The following SPATA31A6 variants were observed in gnomAD, a reference collection of about 807,000 sequenced individuals.
SPATA31A6 encodes the protein spermatogenesis-associated protein 31A6.
A neutral mutation model predicts 11.9 loss-of-function variants in SPATA31A6; 9 were observed. That is an observed-to-expected ratio of 0.76 (90% CI 0.46 to 1.32). The LOEUF is 1.32. Among genes scored for constraint, SPATA31A6 ranks in the 40% most tolerant of loss-of-function variants. The pLI is 0.00. For missense variants in SPATA31A6, 855 were observed against 1,467.3 expected (o/e 0.58, Z 6.82); for synonymous variants, 314 against 572.1 (o/e 0.55, Z 6.44).
In SPATA31A6 at chr9:42,189,367, C is replaced by G; in HGVS notation, c.3665C>G (p.Ala1222Gly). 5 of 1,540,264 alleles carry G rather than the reference C, an allele frequency of 3.2e-6. No individual in the cohort carries two copies. The highest frequency in any genetic ancestry group is 4.4e-6 in the Non-Finnish European group (5 of 1,137,018). ...GACAAGAAAATGTCACTTTGCCATG[C>G]GCACCATGCCTCGAAGGTAAATCAG... The part of the protein sequence containing the change: ...MLDKKMSLCH[A>G]HHASKVNQHK... The change falls in exon 4 of 4, where the codon GCG becomes GGG. Residue 1222 changes from alanine (A) to glycine (G), a missense_variant. By Grantham distance (60) the Ala-to-Gly change is moderately conservative (BLOSUM62 0). Transcript: ENST00000332857.
At position 42,189,138 on chromosome 9, in the gene SPATA31A6, C is replaced by A. The variant is rs1243544987; in HGVS notation, c.3436C>A (p.Leu1146Ile). ...CACCCATCAGGATGAAGGCGTCCAG[C>A]TACTGCCATCAAAGAAACAGCCTCC... ...EDTHQDEGVQ[L>I]LPSKKQPPSV... The change falls in exon 4 of 4, where the codon CTA becomes ATA. Residue 1146 changes from leucine to isoleucine, a missense_variant. Leu to Ile is a conservative substitution (Grantham distance 5). Transcript: ENST00000332857. 2 of 1,545,532 alleles carry A rather than the reference C, an allele frequency of 1.3e-6. No individual in the cohort carries two copies. Among genetic ancestry groups the A allele is most frequent in the Admixed American group, 1.8e-5 (1 of 57,018 alleles).
rs577017144 is a variant in SPATA31A6 at position 42,184,753 on chromosome 9, C to G, written c.190-316C>G. On this transcript the variant is annotated intron_variant, in intron 1 of 3. Coordinates refer to ENST00000332857, the MANE Select transcript of SPATA31A6 (RefSeq NM_001145196.1). Reference sequence around the variant, plus strand: ...ACCATGGCCAGGCTGGTCTCAAACTCCTGACCTCAGGTGATCAACCCACCT... The same window carrying G: ...ACCATGGCCAGGCTGGTCTCAAACTGCTGACCTCAGGTGATCAACCCACCT... Among the ~76,000 whole-genome samples the G allele has an allele frequency of 2.9e-5, 4 of 136,460 alleles. 1 individual carries two copies. The highest frequency in any genetic ancestry group is 1.2e-4 in the African/African-American group (4 of 33,550). 89.5% of individuals were successfully genotyped at this position (136,460 alleles called of 152,430 possible). A position where few individuals can be genotyped will look rare whatever the true frequency, so the allele number is the denominator to read the frequency against.
Position 42,187,165 on chromosome 9 carries a change from C to T in SPATA31A6, c.1463C>T (p.Thr488Ile), listed in dbSNP as rs757876326. 43 of 1,543,128 alleles carry T rather than the reference C, an allele frequency of 2.8e-5. 7 individuals carry two copies. Among genetic ancestry groups the T allele is most frequent in the Admixed American group, 3.5e-5 (2 of 57,244 alleles). The change falls in exon 4 of 4, where the codon ACA becomes ATA. Residue 488 changes from threonine to isoleucine, a missense_variant. Transcript: ENST00000332857. ...FISSTPQFLP[T>I]PMAQAEAQAH... ...TCATCCACACCCCAATTCCTGCCCA[C>T]ACCTATGGCTCAGGCCGAGGCTCAG...
chr9:42,189,277 G>A lies in SPATA31A6; in HGVS notation c.3575G>A (p.Arg1192Lys), dbSNP rs1433174943. 6.4e-7 allele frequency: 1 copy of A among 1,561,640 alleles called. No individual in the cohort carries two copies. Among genetic ancestry groups the A allele is most frequent in the Non-Finnish European group, 8.7e-7 (1 of 1,151,792 alleles). ...GAGAGCCAAAAAACAGTAAAAAACAGATCATGTGTGTACAGCAGCAGTGCT... is the reference window on the plus strand; with the variant it reads ...GAGAGCCAAAAAACAGTAAAAAACAAATCATGTGTGTACAGCAGCAGTGCT... ...TAESQKTVKNRSCVYSSSAEA... is the reference protein window; with the variant it reads ...TAESQKTVKNKSCVYSSSAEA... Residue 1192 changes from arginine to lysine, a missense_variant, in exon 4 of 4, where the codon AGA becomes AAA. Physicochemically the swap from Arg to Lys is conservative, Grantham distance 26. Transcript: ENST00000332857.
In SPATA31A6 at chr9:42,184,068, T is replaced by G. The variant is rs1403012511; in HGVS notation, c.189+192T>G. Among the ~76,000 whole-genome samples, 7 of 137,108 alleles carry G rather than the reference T, an allele frequency of 5.1e-5. 2 individuals are homozygous for G. Among genetic ancestry groups the G allele is most frequent in the African/African-American group, 2.1e-4 (7 of 34,122 alleles). The allele number at this position is 137,108 out of a possible 152,430, so 89.9% of individuals were successfully genotyped here. A position where few individuals can be genotyped will look rare whatever the true frequency, so the allele number is the denominator to read the frequency against. The stretch of plus-strand genomic sequence containing the variant: ...GGTAGATAGTGTACTGGGATTTCCA[T>G]CCCAAGATCTCAGTCCATCTGTGGG... On this transcript the variant is annotated intron_variant, in intron 1 of 3. Coordinates refer to ENST00000332857, the MANE Select transcript of SPATA31A6 (RefSeq NM_001145196.1).
In SPATA31A6 at chr9:42,187,190, G is replaced by C. The variant is rs557142293; in HGVS notation, c.1488G>C (p.Gln496His). The C allele has an allele frequency of 7.1e-6, 11 of 1,543,152 alleles. No homozygotes were observed. In the South Asian group the frequency reaches 1.3e-4, roughly 18 times the overall value. Reference sequence around the variant, plus strand: ...CACCTATGGCTCAGGCCGAGGCTCAGGCCCATCTTCAGTCTTCTTTCCCAG... The same window carrying C: ...CACCTATGGCTCAGGCCGAGGCTCACGCCCATCTTCAGTCTTCTTTCCCAG... ...LPTPMAQAEA[Q>H]AHLQSSFPVL... Residue 496 changes from glutamine to histidine, a missense_variant, in exon 4 of 4, where the codon CAG becomes CAC. Gln to His is a conservative substitution (Grantham distance 24, BLOSUM62 0). Coordinates refer to ENST00000332857, the MANE Select transcript of SPATA31A6 (RefSeq NM_001145196.1).
Position 42,187,095 on chromosome 9 carries a change from C to A in SPATA31A6, c.1393C>A (p.Leu465Met), listed in dbSNP as rs1185293318. The change falls in exon 4 of 4, where the codon CTG (leucine) becomes ATG (methionine). Residue 465 changes from leucine to methionine, a missense_variant. Physicochemically the swap from Leu to Met is conservative, Grantham distance 15 (BLOSUM62 2). Transcript: ENST00000332857. ...TCAAAGGGAGACTACAATGTCCCCA[C>A]TGCTTTTCCAGGCCCAGCCCCTGTC... ...PIQRETTMSP[L>M]LFQAQPLSHR... is the part of the protein sequence containing the mutation. 1.3e-6 allele frequency: 2 copies of A among 1,542,922 alleles called. No homozygotes were observed. The highest frequency in any genetic ancestry group is 3.1e-5 in the African/African-American group (2 of 65,276).
Position 42,188,894 on chromosome 9 carries a change from T to C in SPATA31A6, c.3192T>C (p.Ala1064=). Reference sequence around the variant, plus strand: ...GCATGCCTACTGGGAACATGCGGGCTTCCCAGGAGCTACATGACCTCATGG... The same window carrying C: ...GCATGCCTACTGGGAACATGCGGGCCTCCCAGGAGCTACATGACCTCATGG... The part of the protein sequence containing the change: ...LQSMPTGNMR[A]SQELHDLMAA... The change falls in exon 4 of 4, where the codon GCT becomes GCC. Residue 1064 remains alanine (A), a synonymous_variant. Transcript: ENST00000332857. 4 of 1,547,664 alleles carry C rather than the reference T, an allele frequency of 2.6e-6. 1 individual carries two copies. The highest frequency in any genetic ancestry group is 2.6e-6 in the Non-Finnish European group (3 of 1,142,290).
At position 42,184,325 on chromosome 9, in the gene SPATA31A6, A is replaced by G. The variant is rs1267510149; in HGVS notation, c.189+449A>G. Among the ~76,000 whole-genome samples the G allele has an allele frequency of 3.1e-5, 4 of 129,156 alleles. No individual in the cohort carries two copies. The East Asian group carries it at 7.5e-4, about 24-fold the overall frequency. The allele number at this position is 129,156 out of a possible 152,430, so 84.7% of individuals were successfully genotyped here. A position where few individuals can be genotyped will look rare whatever the true frequency, so the allele number is the denominator to read the frequency against. On this transcript the variant is annotated intron_variant, in intron 1 of 3. Coordinates refer to ENST00000332857, the MANE Select transcript of SPATA31A6 (RefSeq NM_001145196.1). ...TGGTGTCTCCTCTGGTCTTCTGGGAAGCAGAATCCTACCTGATAGCTCAGC... is the reference window on the plus strand; with the variant it reads ...TGGTGTCTCCTCTGGTCTTCTGGGAGGCAGAATCCTACCTGATAGCTCAGC...
In SPATA31A6 at chr9:42,185,539, C is replaced by A. The variant is rs537999717; in HGVS notation, c.248-156C>A. On this transcript the variant is annotated intron_variant, in intron 2 of 3. Transcript: ENST00000332857. Reference sequence around the variant, plus strand: ...AATGAAAAAGCCCTGTCCTCCATGCCTTGCTATTAACGTCGGGGTCATGTG... The same window carrying A: ...AATGAAAAAGCCCTGTCCTCCATGCATTGCTATTAACGTCGGGGTCATGTG... 3.6e-4 allele frequency among the ~76,000 whole-genome samples: 50 copies of A among 137,230 alleles called. 7 individuals carry two copies. The East Asian group carries it at 7.5e-3, about 20-fold the overall frequency. 90.0% of individuals were successfully genotyped at this position (137,230 alleles called of 152,430 possible). A position where few individuals can be genotyped will look rare whatever the true frequency, so the allele number is the denominator to read the frequency against.
In SPATA31A6 at chr9:42,184,412, G is replaced by A. The variant is rs1829403219; in HGVS notation, c.189+536G>A. On this transcript the variant is annotated intron_variant, in intron 1 of 3. Coordinates refer to ENST00000332857, the MANE Select transcript of SPATA31A6 (RefSeq NM_001145196.1). ...AGAGGAACAGGGACTGAAGGTGTCCGTGGTGGACCTCATATTGAAAATCCC... is the reference window on the plus strand; with the variant it reads ...AGAGGAACAGGGACTGAAGGTGTCCATGGTGGACCTCATATTGAAAATCCC... Among the ~76,000 whole-genome samples, 3 of 133,410 alleles carry A rather than the reference G, an allele frequency of 2.2e-5. 1 individual carries two copies. Among genetic ancestry groups the A allele is most frequent in the East Asian group, 2.3e-4 (1 of 4,394 alleles). The allele number at this position is 133,410 out of a possible 152,430, so 87.5% of individuals were successfully genotyped here.
rs770082600 is a variant in SPATA31A6, at chr9:42,187,191, G to T, written c.1489G>T (p.Ala497Ser). The T allele has an allele frequency of 1.5e-5, 23 of 1,543,108 alleles. 2 individuals are homozygous for T. Among genetic ancestry groups the T allele is most frequent in the Non-Finnish European group, 2.0e-5 (23 of 1,138,080 alleles). Reference protein sequence around the residue: ...PTPMAQAEAQAHLQSSFPVLS... With the variant: ...PTPMAQAEAQSHLQSSFPVLS... ...ACCTATGGCTCAGGCCGAGGCTCAG[G>T]CCCATCTTCAGTCTTCTTTCCCAGT... The change falls in exon 4 of 4, where the codon GCC becomes TCC. Residue 497 changes from alanine to serine, a missense_variant. Physicochemically the swap from Ala to Ser is moderately conservative, Grantham distance 99. Transcript: ENST00000332857.
In SPATA31A6 at chr9:42,185,588, T is replaced by C. The variant is rs191509123; in HGVS notation, c.248-107T>C. 3.5e-4 allele frequency: 423 copies of C among 1,200,168 alleles called. 59 individuals carry two copies. Among genetic ancestry groups the C allele is most frequent in the East Asian group, 6.6e-4 (24 of 36,216 alleles). 74.3% of individuals were successfully genotyped at this position (1,200,168 alleles called of 1,614,324 possible). A position where few individuals can be genotyped will look rare whatever the true frequency, so the allele number is the denominator to read the frequency against. Reference sequence around the variant, plus strand: ...TGGCTTTGGACACAGATGGGTGGGGTCCAGGGTCTAATTCCCCATGGTCCT... The same window carrying C: ...TGGCTTTGGACACAGATGGGTGGGGCCCAGGGTCTAATTCCCCATGGTCCT... On this transcript the variant is annotated intron_variant, in intron 2 of 3. Coordinates refer to ENST00000332857, the MANE Select transcript of SPATA31A6 (RefSeq NM_001145196.1).
Position 42,183,660 on chromosome 9 carries a change from G to T in SPATA31A6, c.-28G>T, listed in dbSNP as rs530220779. ...TCTCCACGGGGATGCCCAGAGCTCA[G>T]TTGCTTGAAAGCAACGTGCCTATTC... On this transcript the variant is annotated 5_prime_UTR_variant, in exon 1 of 4. Coordinates refer to ENST00000332857, the MANE Select transcript of SPATA31A6 (RefSeq NM_001145196.1). The T allele has an allele frequency of 6.6e-7, 1 of 1,524,602 alleles. No individual in the cohort carries two copies. The highest frequency in any genetic ancestry group is 8.8e-7 in the Non-Finnish European group (1 of 1,133,696). 94.4% of individuals were successfully genotyped at this position (1,524,602 alleles called of 1,614,324 possible). A position where few individuals can be genotyped will look rare whatever the true frequency, so the allele number is the denominator to read the frequency against.
At position 42,187,110 on chromosome 9, in the gene SPATA31A6, C is replaced by T. The variant is rs1378948984; in HGVS notation, c.1408C>T (p.Gln470Ter). Reference sequence around the variant, plus strand: ...AATGTCCCCACTGCTTTTCCAGGCCCAGCCCCTGTCCCACCGCCAACCCTT... The same window carrying T: ...AATGTCCCCACTGCTTTTCCAGGCCTAGCCCCTGTCCCACCGCCAACCCTT... ...TTMSPLLFQA[Q>*]PLSHRQPFIS... The change falls in exon 4 of 4, where the codon CAG becomes TAG. Residue 470 changes from glutamine (Q) to a stop codon, truncating the protein, a stop_gained. Coordinates refer to ENST00000332857, the MANE Select transcript of SPATA31A6 (RefSeq NM_001145196.1). LOFTEE classifies it low-confidence loss of function (END_TRUNC). The T allele has an allele frequency of 1.9e-6, 3 of 1,541,108 alleles. 1 individual carries two copies. The highest frequency in any genetic ancestry group is 1.5e-5 in the African/African-American group (1 of 65,276).
rs1483398740 is a variant in SPATA31A6, at chr9:42,186,550, G to A, written c.848G>A (p.Trp283Ter). 2 of 1,522,440 alleles carry A rather than the reference G, an allele frequency of 1.3e-6. No homozygotes were observed. The allele number at this position is 1,522,440 out of a possible 1,614,324, so 94.3% of individuals were successfully genotyped here. ...SNSHVSASSR[W>*]QETARTSCAF... ...AGTCATGTTTCTGCCTCCTCCCGGT[G>A]GCAGGAGACTGCCAGAACCTCGTGC... The change falls in exon 4 of 4, where the codon TGG becomes TAG. Residue 283 changes from tryptophan (W) to a stop codon, truncating the protein, a stop_gained. Coordinates refer to ENST00000332857, the MANE Select transcript of SPATA31A6 (RefSeq NM_001145196.1). LOFTEE classifies it low-confidence loss of function (END_TRUNC).
chr9:42,183,834 C>T lies in SPATA31A6; in HGVS notation c.147C>T (p.Phe49=), dbSNP rs1200109223. ...FFLLLPYLSY[F]HCDDPPSPSP... ...TATTACTCCCCTACTTATCTTACTT[C>T]CATTGTGATGACCCACCCTCACCAT... is the stretch of plus-strand genomic sequence containing the variant. The change falls in exon 1 of 4, where the codon TTC becomes TTT. Residue 49 remains phenylalanine, a synonymous_variant. Transcript: ENST00000332857. The T allele has an allele frequency of 1.3e-6, 2 of 1,533,086 alleles. No individual in the cohort carries two copies. The highest frequency in any genetic ancestry group is 1.8e-5 in the Admixed American group (1 of 56,500). 95.0% of individuals were successfully genotyped at this position (1,533,086 alleles called of 1,614,324 possible).
At chr9:42,185,404 C>G in intron 2 of SPATA31A6, 1 of 639,222 alleles carries the variant, frequency 1.6e-6, no homozygotes, top group East Asian at 3.0e-5. Context: ...GAACAGCTGT[C>G]CAACTCTGCT....
Position 42,184,467 on chromosome 9 carries a change from G to A in SPATA31A6, c.189+591G>A, listed in dbSNP as rs1431448441. Reference sequence around the variant, plus strand: ...TGTGTGTGTGTGTGTGTGTGTGTGTGTGTGTGTGTGTGTGTTATTTTTATT... The same window carrying A: ...TGTGTGTGTGTGTGTGTGTGTGTGTATGTGTGTGTGTGTGTTATTTTTATT... On this transcript the variant is annotated intron_variant, in intron 1 of 3. Transcript: ENST00000332857. Among the ~76,000 whole-genome samples, 193 of 132,786 alleles carry A rather than the reference G, an allele frequency of 1.5e-3. 20 individuals carry two copies. Among genetic ancestry groups the A allele is most frequent in the Non-Finnish European group, 2.3e-3 (147 of 63,134 alleles). The allele number at this position is 132,786 out of a possible 152,430, so 87.1% of individuals were successfully genotyped here.
Sources: gnomAD v4.1 joint callset for allele counts (sites outside exome capture counted in the v4.1 genomes callset) on GRCh38, gnomAD v4.1.1 for gene constraint, MANE v1.5 for transcripts, NCBI Gene and HGNC (gene_info 2026-07-23, HGNC 2026-07-21) for gene names.